The following IKBKE variants were observed in gnomAD, a reference collection of about 807,000 sequenced individuals.
The protein encoded by IKBKE is inhibitor of nuclear factor kappa-B kinase subunit epsilon.
IKBKE carries 45 observed loss-of-function variants against 92.1 expected under a neutral mutation model. The ratio of observed to expected loss-of-function variants is 0.49; its 90% CI spans 0.38 to 0.63. The LOEUF is 0.63. Among genes scored for constraint, IKBKE ranks in the 20% least tolerant of loss-of-function variants. The pLI is 0.00. For synonymous variants in IKBKE, 374 were observed against 380.3 expected, an observed-to-expected ratio of 0.98 and a Z score of 0.19; for missense variants, 700 against 932.8, an observed-to-expected ratio of 0.75 and a Z score of 3.25.
chr1:206,485,342 G>T lies in IKBKE; in HGVS notation c.1616+36G>T, dbSNP rs782410144. Reference sequence around the variant, plus strand: ...TTTTCCTTCTTTGTGGGGTGGGAGTGGGGGAGTGGGCAGCTCCAAAGGTCC... The same window carrying T: ...TTTTCCTTCTTTGTGGGGTGGGAGTTGGGGAGTGGGCAGCTCCAAAGGTCC... On this transcript the variant is annotated intron_variant, in intron 15 of 21. Coordinates refer to ENST00000581977, the MANE Select transcript of IKBKE (RefSeq NM_014002.4). The surrounding 1 kb of genome is among the most constrained non-coding windows in gnomAD (Gnocchi z 5.0). 7.9e-7 allele frequency: 1 copy of T among 1,271,176 alleles called. No individual in the cohort carries two copies. Among genetic ancestry groups the T allele is most frequent in the South Asian group, 1.2e-5 (1 of 83,826 alleles). The allele number at this position is 1,271,176 out of a possible 1,614,324, so 78.7% of individuals were successfully genotyped here. A position where few individuals can be genotyped will look rare whatever the true frequency, so the allele number is the denominator to read the frequency against.
intron 15 of IKBKE, among the ~76,000 whole-genome samples, chr1:206,486,463 T>A (rs1665667395): frequency 6.7e-6 from 1 of 149,852 alleles, no homozygotes; most frequent in South Asian, 2.1e-4. Flanking sequence ...CCAGGCCCTG[T>A]CTTTTGGATG....
rs543397724 is a variant in IKBKE, at chr1:206,491,845, G to C, written c.1835+96G>C. ...GCTTTGTGGAGCCCTGAGGCAGAGG[G>C]AGGAGTGAGTGAAGGGGTGTGAGCA... is the stretch of plus-strand genomic sequence containing the variant. On this transcript the variant is annotated intron_variant, in intron 18 of 21. Transcript: ENST00000581977. 9.3e-6 allele frequency: 8 copies of C among 862,220 alleles called. No individual in the cohort carries two copies. The African/African-American group carries it at 1.0e-4, about 11-fold the overall frequency. The allele number at this position is 862,220 out of a possible 1,614,324, so 53.4% of individuals were successfully genotyped here. A position where few individuals can be genotyped will look rare whatever the true frequency, so the allele number is the denominator to read the frequency against.
intron 16 of IKBKE, among the ~76,000 whole-genome samples, chr1:206,488,737 C>A (rs908752557): frequency 1.3e-5 from 2 of 152,290 alleles, no homozygotes; most frequent in Middle Eastern, 3.4e-3. Context: ...GGCTTTATTG[C>A]CAAATTCTCT....
rs1435638605 is a variant in IKBKE at position 206,496,622 on chromosome 1, T to C, written c.*477T>C. ...GCGTTTCATGTTGAACACAGCTCTC[T>C]CCGCTCCCTTGTGATTTCTGAGGGT... On this transcript the variant is annotated 3_prime_UTR_variant, in exon 22 of 22. Coordinates refer to ENST00000581977, the MANE Select transcript of IKBKE (RefSeq NM_014002.4). 1 of 237,268 alleles carries C rather than the reference T, an allele frequency of 4.2e-6. No individual in the cohort carries two copies. The highest frequency in any genetic ancestry group is 8.3e-6 in the Non-Finnish European group (1 of 120,784). 14.7% of individuals were successfully genotyped at this position (237,268 alleles called of 1,614,324 possible). A position where few individuals can be genotyped will look rare whatever the true frequency, so the allele number is the denominator to read the frequency against.
At chr1:206,493,719 G>C (rs1321354720) in intron 20 of IKBKE, among the ~76,000 whole-genome samples, 3 of 152,348 alleles carry the variant, frequency 2.0e-5, no homozygotes, top group African/African-American at 7.2e-5. Flanking sequence ...AATCCAGGAG[G>C]CAGAGGTTGC....
In IKBKE at chr1:206,478,824, C is replaced by A; in HGVS notation, c.993-119C>A. ...ACAGAGAAAACCACCCCCGTCCCTC[C>A]CTCTGCAAAACAGAGCCCTGTCTAT... On this transcript the variant is annotated intron_variant, in intron 9 of 21. Coordinates refer to ENST00000581977, the MANE Select transcript of IKBKE (RefSeq NM_014002.4). The surrounding 1 kb of genome is among the most constrained non-coding windows in gnomAD (Gnocchi z 4.8). 2.5e-6 allele frequency: 2 copies of A among 792,930 alleles called. No individual in the cohort carries two copies. Among genetic ancestry groups the A allele is most frequent in the Non-Finnish European group, 4.4e-6 (2 of 454,206 alleles). 49.1% of individuals were successfully genotyped at this position (792,930 alleles called of 1,614,324 possible). A position where few individuals can be genotyped will look rare whatever the true frequency, so the allele number is the denominator to read the frequency against.
In IKBKE at chr1:206,485,908, G is replaced by A. The variant is rs926115165; in HGVS notation, c.1616+602G>A. Among the ~76,000 whole-genome samples the A allele has an allele frequency of 3.9e-5, 6 of 152,176 alleles. No homozygotes were observed. Among genetic ancestry groups the A allele is most frequent in the Non-Finnish European group, 7.3e-5 (5 of 68,028 alleles). ...AGGCCCCAGCTGACTGTGGGGAGCC[G>A]CTGCCTACCTTGCCGCTTCTGACCA... On this transcript the variant is annotated intron_variant, in intron 15 of 21. Coordinates refer to ENST00000581977, the MANE Select transcript of IKBKE (RefSeq NM_014002.4). This position sits in a 1 kb window ranked among gnomAD's most constrained non-coding sequence, Gnocchi z 5.0.
In IKBKE at chr1:206,479,754, G is replaced by T. The variant is rs41297608; in HGVS notation, c.1184-116G>T. 2,047 of 1,125,986 alleles carry T rather than the reference G, an allele frequency of 1.8e-3. 22 individuals are homozygous for T. In the African/African-American group the frequency reaches 0.027, roughly 15 times the overall value. 69.7% of individuals were successfully genotyped at this position (1,125,986 alleles called of 1,614,324 possible). A position where few individuals can be genotyped will look rare whatever the true frequency, so the allele number is the denominator to read the frequency against. On this transcript the variant is annotated intron_variant, in intron 10 of 21. Coordinates refer to ENST00000581977, the MANE Select transcript of IKBKE (RefSeq NM_014002.4). ...CAAGGTGGGAGGCTCAGGGTGAGTT[G>T]TGAAGCCTGAGGTGGGAGATTGGCA...
intron 13 of IKBKE, among the ~76,000 whole-genome samples, chr1:206,481,480 C>T (rs1553387019): frequency 6.6e-6 from 1 of 152,184 alleles, no homozygotes. Context: ...GGAGCATCTC[C>T]AGATAACAGG....
At chr1:206,486,580 G>T (rs1038396550) in intron 15 of IKBKE, among the ~76,000 whole-genome samples, 8 of 150,058 alleles carry the variant, frequency 5.3e-5, no homozygotes, top group African/African-American at 2.0e-4. Flanking sequence ...TTGGATGAAG[G>T]CTGAGGATCC....
chr1:206,483,814 C>T (rs1031201641), intron 13 of IKBKE, among the ~76,000 whole-genome samples: 2 of 152,140 alleles, frequency 1.3e-5, no homozygotes, highest in South Asian at 4.1e-4. Context: ...TGTTTTATAA[C>T]CTGTTTTGGG....
At chr1:206,475,123 A>C in intron 5 of IKBKE, 129 bp downstream of exon 5, 1 of 1,014,060 alleles carries the variant, frequency 9.9e-7, no homozygotes, top group Non-Finnish European at 1.4e-6. Flanking sequence ...AATTAAACCT[A>C]AAAAAGATTG....
chr1:206,493,409 C>CT, intron 20 of IKBKE, 31 bp downstream of exon 20: 1 of 1,511,258 alleles, frequency 6.6e-7, no homozygotes, highest in East Asian at 2.3e-5. Flanking sequence ...GGTTGTGTAT[C>CT]TGTGTGGAAG....
At chr1:206,488,014 C>T (rs1665757155) in intron 16 of IKBKE, 24 bp downstream of exon 16, 1 of 1,535,928 alleles carries the variant, frequency 6.5e-7, no homozygotes, top group African/African-American at 1.4e-5. Flanking sequence ...GGGCAGATGC[C>T]CCTTCTCTCT....
Position 206,478,458 on chromosome 1 carries a change from G to C in IKBKE, c.992+119G>C, listed in dbSNP as rs567193472. On this transcript the variant is annotated intron_variant, in intron 9 of 21. Coordinates refer to ENST00000581977, the MANE Select transcript of IKBKE (RefSeq NM_014002.4). This position sits in a 1 kb window ranked among gnomAD's most constrained non-coding sequence, Gnocchi z 4.8. ...GAGTGTGTACATAGGAACGCTTCCA[G>C]GTCCAAACGTAGTTGGGAAAAGACT... 7.1e-5 allele frequency: 72 copies of C among 1,020,296 alleles called. No homozygotes were observed. The African/African-American group carries it at 9.8e-4, about 14-fold the overall frequency. The allele number at this position is 1,020,296 out of a possible 1,614,324, so 63.2% of individuals were successfully genotyped here. A position where few individuals can be genotyped will look rare whatever the true frequency, so the allele number is the denominator to read the frequency against.
chr1:206,488,166 G>A (rs146023480), intron 16 of IKBKE, among the ~76,000 whole-genome samples, 176 bp downstream of exon 16: 183 of 152,344 alleles, frequency 1.2e-3, no homozygotes, highest in African/African-American at 4.2e-3. Context: ...CTGCTCTAGG[G>A]GCAAGGCCCC....
chr1:206,475,169 C>A, intron 5 of IKBKE, 175 bp downstream of exon 5: 1 of 640,202 alleles, frequency 1.6e-6, no homozygotes, highest in Non-Finnish European at 2.5e-6. Flanking sequence ...TTTACAATAG[C>A]CAAAAGGTGG....
chr1:206,484,252 A>C (rs1349768397), intron 13 of IKBKE, among the ~76,000 whole-genome samples: 2 of 152,076 alleles, frequency 1.3e-5, no homozygotes, highest in Non-Finnish European at 2.9e-5. Flanking sequence ...CTGCCTCCCA[A>C]AGTGCTGGGA....
chr1:206,475,165 A>G (rs2103451842), intron 5 of IKBKE, 171 bp downstream of exon 5: 5 of 675,062 alleles, frequency 7.4e-6, no homozygotes, highest in Non-Finnish European at 1.2e-5. Flanking sequence ...ATTATTTACA[A>G]TAGCCAAAAG....
Sources: allele counts gnomAD v4.1 joint callset (sites outside exome capture counted in the v4.1 genomes callset), GRCh38; gene constraint gnomAD v4.1.1; non-coding constraint Gnocchi (gnomAD v3.1); transcripts MANE v1.5; gene names NCBI Gene and HGNC (gene_info 2026-07-23, HGNC 2026-07-21).